Variants in TKTL1 observed in about 807,000 individuals in gnomAD.
TKTL1 encodes the protein transketolase like 1, also known as transketolase-like protein 1.
TKTL1 carries 1 observed loss-of-function variant against 39.3 expected under a neutral mutation model. The observed-to-expected ratio is 0.03, with a 90% confidence interval of 0.01 to 0.12. The LOEUF is 0.12. Ranked by LOEUF, TKTL1 falls within the 10% of genes least tolerant of loss-of-function variation. The pLI, the probability that TKTL1 is intolerant of heterozygous loss-of-function variation, is 1.00. For missense variants in TKTL1, 575 were observed against 509.6 expected (o/e 1.13, Z -1.24); for synonymous variants, 262 against 193.8 (o/e 1.35, Z -2.92).
rs782016685 is a variant in TKTL1, at chrX:154,311,233, C to T, written c.665C>T (p.Thr222Ile). The T allele has an allele frequency of 5.0e-6, 6 of 1,210,000 alleles. No homozygotes were observed. In the East Asian group the frequency reaches 1.2e-4, roughly 24 times the overall value. Residue 222 changes from threonine to isoleucine, a missense_variant, in exon 5 of 13, where the codon ACC (threonine) becomes ATC (isoleucine). By Grantham distance (89) the Thr-to-Ile change is moderately conservative. Coordinates refer to ENST00000369915, the MANE Select transcript of TKTL1 (RefSeq NM_012253.4). ...VVAKTFKGRG[T>I]PSIEDAESWH... ...GCCAAGACCTTCAAGGGCCGGGGCA[C>T]CCCAAGTAAGCAAGCACTTTCCTCC...
In TKTL1 at chrX:154,327,582, C is replaced by T. The variant is rs373879251; in HGVS notation, c.1402-9C>T. Reference sequence around the variant, plus strand: ...ACCACGGCATTCTGTTTTGCTGGCACTATACCAGGTCCTCCGCCACTGTGT... The same window carrying T: ...ACCACGGCATTCTGTTTTGCTGGCATTATACCAGGTCCTCCGCCACTGTGT... On this transcript the variant is annotated splice_polypyrimidine_tract_variant and intron_variant, in intron 10 of 12. Transcript: ENST00000369915. 4 of 1,202,893 alleles carry T rather than the reference C, an allele frequency of 3.3e-6. No homozygotes were observed. The African/African-American group carries it at 7.0e-5, about 21-fold the overall frequency.
chrX:154,325,225 G>A (rs1192211173), intron 9 of TKTL1, 114 bp from the exon 10 acceptor site: 18 of 717,323 alleles, frequency 2.5e-5, no homozygotes, highest in Non-Finnish European at 3.2e-5. Flanking sequence ...TCCAAAGCCT[G>A]TGTTTTTAGT....
Position 154,323,251 on chromosome X carries a change from T to C in TKTL1, c.1231T>C (p.Phe411Leu). ...SQMALEDIAM[F>L]RTIPKCTIFY... is the part of the protein sequence containing the mutation. Reference sequence around the variant, plus strand: ...GATGGCCCTGGAGGATATAGCCATGTTCCGAACCATTCCCAAGTGCACGAT... The same window carrying C: ...GATGGCCCTGGAGGATATAGCCATGCTCCGAACCATTCCCAAGTGCACGAT... The change falls in exon 9 of 13, where the codon TTC becomes CTC. Residue 411 changes from phenylalanine (F) to leucine (L), a missense_variant. Phe to Leu is a conservative substitution (Grantham distance 22). Coordinates refer to ENST00000369915, the MANE Select transcript of TKTL1 (RefSeq NM_012253.4). 1 of 1,211,311 alleles carries C rather than the reference T, an allele frequency of 8.3e-7. No homozygotes were observed.
In TKTL1 at chrX:154,320,778, G is replaced by T; in HGVS notation, c.1051G>T (p.Ala351Ser). Residue 351 changes from alanine (A) to serine (S), a missense_variant, in exon 8 of 13, where the codon GCC becomes TCC. Ala to Ser is a moderately conservative substitution (Grantham distance 99). Transcript: ENST00000369915. ...GCAGGTGAGCGTGGCTCTGGGCTGTGCCTCCCGTGGACGGACCATTGCTTT... is the reference window on the plus strand; with the variant it reads ...GCAGGTGAGCGTGGCTCTGGGCTGTTCCTCCCGTGGACGGACCATTGCTTT... ...QNMVSVALGCASRGRTIAFAS... is the reference protein window; with the variant it reads ...QNMVSVALGCSSRGRTIAFAS... 2.5e-6 allele frequency: 3 copies of T among 1,211,510 alleles called. No individual in the cohort carries two copies. The highest frequency in any genetic ancestry group is 3.5e-5 in the South Asian group (2 of 56,984).
intron 6 of TKTL1, among the ~76,000 whole-genome samples, chrX:154,314,309 T>C (rs1189332172): frequency 8.9e-6 from 1 of 111,798 alleles, no homozygotes; most frequent in Non-Finnish European, 1.9e-5. Flanking sequence ...GCAACTTTCT[T>C]TATGAATACC....
intron 1 of TKTL1, 68 bp from the exon 2 acceptor site, chrX:154,305,236 T>C (rs993152127): frequency 1.3e-5 from 15 of 1,186,256 alleles, no homozygotes; most frequent in African/African-American, 1.1e-4. Flanking sequence ...GAGGAGACCA[T>C]GTGCCGAGGT....
chrX:154,321,106 T>G (rs1342218800), intron 8 of TKTL1, among the ~76,000 whole-genome samples, 193 bp downstream of exon 8: 1 of 110,874 alleles, frequency 9.0e-6, no homozygotes, highest in Admixed American at 9.6e-5. Context: ...CATCTCTCGG[T>G]GGTACTGTTG....
intron 7 of TKTL1, among the ~76,000 whole-genome samples, chrX:154,316,099 CG>C (rs1414329447): frequency 9.0e-6 from 1 of 111,728 alleles, no homozygotes; most frequent in Non-Finnish European, 1.9e-5. Context: ...TTTTTTTAGA[CG>C]AAGTCTCGCT....
intron 5 of TKTL1, among the ~76,000 whole-genome samples, 166 bp downstream of exon 5, chrX:154,311,404 A>T (rs1388518488): frequency 8.9e-6 from 1 of 112,098 alleles, no homozygotes; most frequent in Non-Finnish European, 1.9e-5. Flanking sequence ...TTCACTAGCT[A>T]GTGTCTGCTT....
chrX:154,317,106 G>A (rs185721410), intron 7 of TKTL1, among the ~76,000 whole-genome samples: 23 of 111,409 alleles, frequency 2.1e-4, no homozygotes, highest in Non-Finnish European at 3.6e-4. Context: ...AAAACAATGC[G>A]ATCCGTAATT....
chrX:154,305,251 T>C, intron 1 of TKTL1, 53 bp from the exon 2 acceptor site: 2 of 1,195,189 alleles, frequency 1.7e-6, no homozygotes, highest in Non-Finnish European at 2.3e-6. Context: ...CGAGGTCGTG[T>C]GCTAGGAAGC....
At chrX:154,308,014 A>T (rs1455293251) in intron 2 of TKTL1, among the ~76,000 whole-genome samples, 3 of 111,709 alleles carry the variant, frequency 2.7e-5, no homozygotes, top group Non-Finnish European at 5.7e-5. Flanking sequence ...AATCGTAAAT[A>T]CCATCCATCC....
chrX:154,299,683 G>A (rs1436828341), intron 1 of TKTL1, among the ~76,000 whole-genome samples: 1 of 111,091 alleles, frequency 9.0e-6, no homozygotes, highest in East Asian at 2.8e-4. Context: ...CCACTTACAA[G>A]TGAAAACATA....
At chrX:154,303,022 C>T (rs2067285578) in intron 1 of TKTL1, among the ~76,000 whole-genome samples, 1 of 110,589 alleles carries the variant, frequency 9.0e-6, no homozygotes, top group African/African-American at 3.3e-5. Flanking sequence ...TGAGCCATCA[C>T]GTTTGTGGCA....
chrX:154,301,755 C>CT (rs782331518), intron 1 of TKTL1, among the ~76,000 whole-genome samples: 4,729 of 90,477 alleles, frequency 0.052, 343 homozygotes, highest in African/African-American at 0.17. Context: ...CATTTTCTTT[C>CT]TTTTTTTTTT....
At chrX:154,299,638 C>T (rs1327031402) in intron 1 of TKTL1, among the ~76,000 whole-genome samples, 1 of 111,099 alleles carries the variant, frequency 9.0e-6, no homozygotes, top group African/African-American at 3.3e-5. Flanking sequence ...TCATTCTCCT[C>T]CCCAAAGTCC....
chrX:154,323,986 G>A (rs1301877591), intron 9 of TKTL1, among the ~76,000 whole-genome samples: 3 of 112,666 alleles, frequency 2.7e-5, no homozygotes, highest in Non-Finnish European at 3.8e-5. Flanking sequence ...CCTGGACCTC[G>A]CCCATGCGCC....
In TKTL1 at chrX:154,325,437, G is replaced by A. The variant is rs782037203; in HGVS notation, c.1401+15G>A. ...GACAGGCCAAGGTAAGGGCTTACGC[G>A]CTCCTGCGTTATTCAGTATCATCTC... On this transcript the variant is annotated intron_variant, in intron 10 of 12. Transcript: ENST00000369915. 2.8e-5 allele frequency: 33 copies of A among 1,174,548 alleles called. No individual in the cohort carries two copies. The highest frequency in any genetic ancestry group is 1.1e-4 in the African/African-American group (6 of 56,394).
chrX:154,320,897 C>G lies in TKTL1; in HGVS notation c.1170C>G (p.His390Gln), dbSNP rs1391739554. 1 of 1,209,871 alleles carries G rather than the reference C, an allele frequency of 8.3e-7. No homozygotes were observed. The highest frequency in any genetic ancestry group is 1.7e-5 in the African/African-American group (1 of 57,206). The change falls in exon 8 of 13, where the codon CAC becomes CAG. Residue 390 changes from histidine to glutamine, a missense_variant. Transcript: ENST00000369915. ...GCAACATCAACATTATTGGTTCCCA[C>G]TGTGGGGTATCTGTTGGTAAGGGTT... ...AESNINIIGS[H>Q]CGVSVGDDGA... is the part of the protein sequence containing the mutation.
Sources: gnomAD v4.1 joint callset for allele counts (sites outside exome capture counted in the v4.1 genomes callset) on GRCh38, gnomAD v4.1.1 for gene constraint, MANE v1.5 for transcripts, NCBI Gene and HGNC (gene_info 2026-07-23, HGNC 2026-07-21) for gene names.